Variants in GRID1 observed in about 807,000 individuals in gnomAD.
The protein encoded by GRID1 is glutamate ionotropic receptor delta type subunit 1.
In GRID1, 28 loss-of-function variants were observed where a neutral mutation model predicts 98.0. The ratio of observed to expected loss-of-function variants is 0.29; its 90% CI spans 0.21 to 0.39. The LOEUF (loss-of-function observed/expected upper bound fraction) is 0.39, where lower values mean the gene tolerates loss of function less well. Ranked by LOEUF, GRID1 falls within the 10% of genes least tolerant of loss-of-function variation. The probability of loss-of-function intolerance (pLI) is 1.00; values close to 1 mark genes in which losing one functional copy is unlikely to be tolerated. For synonymous variants in GRID1, 553 were observed against 538.5 expected (o/e 1.03, Z -0.37); for missense variants, 1,111 against 1,340.5 (o/e 0.83, Z 2.67).
intron 4 of GRID1, among the ~76,000 whole-genome samples, chr10:86,111,348 T>TG (rs1350980117): frequency 1.3e-5 from 2 of 152,112 alleles, no homozygotes; most frequent in African/African-American, 4.8e-5. Flanking sequence ...GTGAGGAACT[T>TG]GGGGCAACCA....
At chr10:86,079,626 G>A (rs1187918841) in intron 4 of GRID1, among the ~76,000 whole-genome samples, 2 of 152,154 alleles carry the variant, frequency 1.3e-5, no homozygotes, top group Non-Finnish European at 1.5e-5. Context: ...CCAAATCCCA[G>A]CACCAACCCT....
At chr10:86,015,049 C>T (rs940126408) in intron 4 of GRID1, among the ~76,000 whole-genome samples, 1 of 152,198 alleles carries the variant, frequency 6.6e-6, no homozygotes, top group East Asian at 1.9e-4. Flanking sequence ...AACATTGAGT[C>T]CCTCTCAACA....
intron 8 of GRID1, among the ~76,000 whole-genome samples, chr10:85,784,297 C>A (rs1842406466): frequency 6.6e-6 from 1 of 152,176 alleles, no homozygotes; most frequent in South Asian, 2.1e-4. Context: ...ACTACATAAA[C>A]CAATCCTCAA....
At chr10:86,172,155 C>T (rs904504514) in intron 3 of GRID1, among the ~76,000 whole-genome samples, 1 of 152,162 alleles carries the variant, frequency 6.6e-6, no homozygotes. Context: ...TTACTCTCTA[C>T]ACTCCCCTAC....
At chr10:86,143,992 C>A (rs187895719) in intron 3 of GRID1, among the ~76,000 whole-genome samples, 46 of 152,258 alleles carry the variant, frequency 3.0e-4, no homozygotes, top group African/African-American at 1.0e-3. Context: ...CCAAGCCTGC[C>A]GGAGTCCTGC....
chr10:86,252,620 A>T (rs899389996), intron 2 of GRID1, among the ~76,000 whole-genome samples: 1 of 152,240 alleles, frequency 6.6e-6, no homozygotes, highest in African/African-American at 2.4e-5. Flanking sequence ...ACAGTCAATG[A>T]CTTCCATTTT....
At chr10:86,309,469 C>A (rs1847803208) in intron 2 of GRID1, among the ~76,000 whole-genome samples, 1 of 152,214 alleles carries the variant, frequency 6.6e-6, no homozygotes, top group African/African-American at 2.4e-5. Context: ...ATCATGCCTG[C>A]ATGCTCATGT....
intron 4 of GRID1, among the ~76,000 whole-genome samples, chr10:85,965,046 T>A (rs1842319097): frequency 6.6e-6 from 1 of 152,220 alleles, no homozygotes; most frequent in Non-Finnish European, 1.5e-5. Flanking sequence ...AAGCTCATCA[T>A]CACTGATCAT....
At position 86,013,765 on chromosome 10, in the gene GRID1, T is replaced by G. The variant is rs182296979; in HGVS notation, c.727-97526A>C. ...TAAAACATTGATGACATCATGCTGA[T>G]AAGACAGACATAGAGGGCATAAGTT... On this transcript the variant is annotated intron_variant, in intron 4 of 15. Coordinates refer to ENST00000327946, the MANE Select transcript of GRID1 (RefSeq NM_017551.3). 2.6e-5 allele frequency among the ~76,000 whole-genome samples: 4 copies of G among 152,342 alleles called. No individual in the cohort carries two copies. In the East Asian group the frequency reaches 7.7e-4, roughly 29 times the overall value.
In GRID1 at chr10:86,076,583, G is replaced by C. The variant is rs532071865; in HGVS notation, c.726+62236C>G. Among the ~76,000 whole-genome samples, 6 of 152,334 alleles carry C rather than the reference G, an allele frequency of 3.9e-5. No individual in the cohort carries two copies. In the South Asian group the frequency reaches 1.2e-3, roughly 32 times the overall value. ...AAGTCCACAGTCTGTGAGGGGGGCTGTCAGACCGGAGACCCATAGATGACC... is the reference window on the plus strand; with the variant it reads ...AAGTCCACAGTCTGTGAGGGGGGCTCTCAGACCGGAGACCCATAGATGACC... On this transcript the variant is annotated intron_variant, in intron 4 of 15. Transcript: ENST00000327946.
intron 4 of GRID1, among the ~76,000 whole-genome samples, chr10:86,081,220 T>A (rs1843974042): frequency 6.6e-6 from 1 of 152,154 alleles, no homozygotes; most frequent in African/African-American, 2.4e-5. Context: ...TTGAAGAGTT[T>A]TGCTCAAAGA....
chr10:86,252,302 C>T (rs1308095676), intron 2 of GRID1, among the ~76,000 whole-genome samples: 1 of 152,214 alleles, frequency 6.6e-6, no homozygotes, highest in Non-Finnish European at 1.5e-5. Flanking sequence ...CTGTCCAACT[C>T]AGTCACATCC....
At chr10:86,068,027 G>A (rs1027583486) in intron 4 of GRID1, among the ~76,000 whole-genome samples, 10 of 152,196 alleles carry the variant, frequency 6.6e-5, no homozygotes, top group African/African-American at 1.7e-4. Flanking sequence ...TTAGAACTAC[G>A]ATTTTTGGAA....
At chr10:85,871,113 C>A (rs1843274199) in intron 5 of GRID1, among the ~76,000 whole-genome samples, 1 of 152,146 alleles carries the variant, frequency 6.6e-6, no homozygotes, top group African/African-American at 2.4e-5. Flanking sequence ...TCCTGACAAA[C>A]CCATCATACG....
chr10:85,868,930 C>T (rs1042019909), intron 6 of GRID1, 80 bp downstream of exon 6: 7 of 1,192,678 alleles, frequency 5.9e-6, no homozygotes, highest in Middle Eastern at 2.8e-4. Flanking sequence ...CAATAGGAGG[C>T]CCCCACATGT....
intron 12 of GRID1, among the ~76,000 whole-genome samples, chr10:85,665,891 G>A (rs565635937): frequency 5.3e-5 from 8 of 152,200 alleles, no homozygotes; most frequent in Middle Eastern, 3.4e-3. Context: ...AAGCTGTCTC[G>A]GGAAGGGAGG....
At chr10:86,258,918 A>G (rs1589429046) in intron 2 of GRID1, among the ~76,000 whole-genome samples, 3 of 152,258 alleles carry the variant, frequency 2.0e-5, no homozygotes, top group South Asian at 4.1e-4. Context: ...CATCACCTCA[A>G]TAGAAAAATT....
At chr10:85,915,235 C>A (rs762181425) in intron 5 of GRID1, among the ~76,000 whole-genome samples, 10 of 152,078 alleles carry the variant, frequency 6.6e-5, no homozygotes, top group Non-Finnish European at 1.2e-4. Flanking sequence ...CACAAACACA[C>A]ATGCACATAC....
At chr10:86,048,676 C>T (rs1164730806) in intron 4 of GRID1, among the ~76,000 whole-genome samples, 2 of 152,228 alleles carry the variant, frequency 1.3e-5, no homozygotes, top group Non-Finnish European at 2.9e-5. Flanking sequence ...TTTGGAAATA[C>T]CATGTGAAGG....
Sources: allele counts gnomAD v4.1 joint callset (sites outside exome capture counted in the v4.1 genomes callset), GRCh38; gene constraint gnomAD v4.1.1; transcripts MANE v1.5; gene names NCBI Gene and HGNC (gene_info 2026-07-23, HGNC 2026-07-21).